Variants in TAFA5 observed in about 807,000 individuals in gnomAD.
TAFA5 encodes the protein chemokine-like protein TAFA-5.
TAFA5 carries 6 observed loss-of-function variants against 15.3 expected under a neutral mutation model. The observed-to-expected ratio is 0.39, with a 90% confidence interval of 0.21 to 0.77. TAFA5 has a LOEUF of 0.77. TAFA5 is among the 30% of genes least tolerant of loss of function. TAFA5 has a pLI of 0.41. For missense variants in TAFA5, 161 were observed against 193.1 expected (o/e 0.83, Z 0.98); for synonymous variants, 103 against 80.7 (o/e 1.28, Z -1.48).
At chr22:48,529,294 T>G (rs1601557588) in intron 1 of TAFA5, among the ~76,000 whole-genome samples, 2 of 38,624 alleles carry the variant, frequency 5.2e-5, no homozygotes, top group Admixed American at 3.0e-4. Context: ...GAGATGGGGG[T>G]GTCCAGGCAG....
chr22:48,673,944 C>T (rs539319149), intron 2 of TAFA5, among the ~76,000 whole-genome samples: 4 of 152,212 alleles, frequency 2.6e-5, no homozygotes, highest in South Asian at 2.1e-4. Context: ...GCTCTGGGGT[C>T]GGGTGTCTAG....
At chr22:48,729,262 A>ATTTTATATTTATTTATAAATATATAATAT (rs1929791738) in intron 3 of TAFA5, among the ~76,000 whole-genome samples, 2 of 137,580 alleles carry the variant, frequency 1.5e-5, no homozygotes, top group Admixed American at 7.7e-5. Flanking sequence ...ATATATAATA[A>ATTTTATATTTATTTATAAATATATAATAT]TTTTATATTT....
chr22:48,742,591 A>G lies in TAFA5; in HGVS notation c.391-7248A>G, dbSNP rs1930211921. ...GGTAGACTGGGCAGCGTGATGGACC[A>G]GGCGACATGGTGGACCGGGCCGCAT... is the stretch of plus-strand genomic sequence containing the variant. On this transcript the variant is annotated intron_variant, in intron 3 of 3. Coordinates refer to ENST00000402357, the MANE Select transcript of TAFA5 (RefSeq NM_001082967.3). The surrounding 1 kb of genome is among the most constrained non-coding windows in gnomAD (Gnocchi z 6.2). Among the ~76,000 whole-genome samples the G allele has an allele frequency of 6.6e-6, 1 of 151,020 alleles. No homozygotes were observed. Among genetic ancestry groups the G allele is most frequent in the South Asian group, 2.1e-4 (1 of 4,776 alleles).
At chr22:48,548,288 C>T (rs1922744485) in intron 1 of TAFA5, among the ~76,000 whole-genome samples, 1 of 152,212 alleles carries the variant, frequency 6.6e-6, no homozygotes, top group African/African-American at 2.4e-5. Context: ...AGCTGCAGTC[C>T]CGAAGCTGCC....
At chr22:48,618,782 G>A (rs570413543) in intron 1 of TAFA5, among the ~76,000 whole-genome samples, 4 of 152,314 alleles carry the variant, frequency 2.6e-5, no homozygotes, top group African/African-American at 9.6e-5. Flanking sequence ...GGATGGCTGT[G>A]CTGGGGGTTG....
chr22:48,559,667 A>C (rs1162294411), intron 1 of TAFA5, among the ~76,000 whole-genome samples: 1 of 151,948 alleles, frequency 6.6e-6, no homozygotes, highest in African/African-American at 2.4e-5. Flanking sequence ...TAGAGGGGAT[A>C]TGGGGTTTGG....
intron 2 of TAFA5, among the ~76,000 whole-genome samples, chr22:48,656,868 C>G (rs1927271533): frequency 6.7e-6 from 1 of 150,036 alleles, no homozygotes; most frequent in Non-Finnish European, 1.5e-5. Context: ...CGGGTTCAAG[C>G]AGTTCTCTTG....
intron 1 of TAFA5, among the ~76,000 whole-genome samples, chr22:48,575,469 C>G (rs1035696964): frequency 1.4e-5 from 2 of 146,326 alleles, no homozygotes; most frequent in African/African-American, 4.9e-5. Flanking sequence ...CGCGCTCCCC[C>G]TCCCGCCGCC....
chr22:48,693,343 C>T, intron 2 of TAFA5: 1 of 1,612,444 alleles, frequency 6.2e-7, no homozygotes, highest in South Asian at 1.1e-5. Flanking sequence ...ACCAGGAAAG[C>T]ACAAACACCC....
intron 3 of TAFA5, among the ~76,000 whole-genome samples, chr22:48,716,038 C>T (rs762690333): frequency 6.6e-5 from 10 of 152,132 alleles, no homozygotes; most frequent in African/African-American, 9.7e-5. Context: ...TCAGGCTTGT[C>T]GAAGATCAGA....
In TAFA5 at chr22:48,750,136, G is replaced by A. The variant is rs145413860; in HGVS notation, c.*289G>A. ...GCGCCCAGCCCCCGCCGACCGTGGC[G>A]TTGGCCCTGCTGTCCTCAGAGGAGG... On this transcript the variant is annotated 3_prime_UTR_variant, in exon 4 of 4. Transcript: ENST00000402357. The A allele has an allele frequency of 0.01, 5,095 of 501,442 alleles. 48 individuals carry two copies. Among genetic ancestry groups the A allele is most frequent in the Non-Finnish European group, 0.014 (3,967 of 278,050 alleles). 31.1% of individuals were successfully genotyped at this position (501,442 alleles called of 1,614,324 possible).
At chr22:48,600,420 GC>G (rs2147164815) in intron 1 of TAFA5, among the ~76,000 whole-genome samples, 1 of 152,294 alleles carries the variant, frequency 6.6e-6, no homozygotes, top group South Asian at 2.1e-4. Flanking sequence ...ACATGAAGGG[GC>G]CCGAGGCAGC....
At chr22:48,612,613 G>T (rs993861022) in intron 1 of TAFA5, among the ~76,000 whole-genome samples, 1 of 151,942 alleles carries the variant, frequency 6.6e-6, no homozygotes, top group South Asian at 2.1e-4. Flanking sequence ...TGTTCCCCAC[G>T]TGTCTCCCGT....
chr22:48,622,930 C>T (rs73429910), intron 1 of TAFA5, among the ~76,000 whole-genome samples: 6,800 of 152,306 alleles, frequency 0.045, 484 homozygotes, highest in African/African-American at 0.15. Flanking sequence ...CACTACTGGG[C>T]GGGCAGGGAC....
chr22:48,674,747 G>A (rs1019202032), intron 2 of TAFA5, among the ~76,000 whole-genome samples: 1 of 152,108 alleles, frequency 6.6e-6, no homozygotes, highest in Non-Finnish European at 1.5e-5. Flanking sequence ...TTGCCCGTTG[G>A]GTCTGCAGTG....
intron 1 of TAFA5, among the ~76,000 whole-genome samples, chr22:48,626,479 A>C (rs907936205): frequency 6.6e-6 from 1 of 152,080 alleles, no homozygotes; most frequent in African/African-American, 2.4e-5. Context: ...CATATTTGCC[A>C]TTTTTTTGGT....
chr22:48,604,271 T>A (rs887837252), intron 1 of TAFA5, among the ~76,000 whole-genome samples: 2 of 152,358 alleles, frequency 1.3e-5, no homozygotes, highest in East Asian at 3.9e-4. Flanking sequence ...AGGATAACAC[T>A]CTGACCCTGT....
At chr22:48,629,766 G>A (rs530680532) in intron 1 of TAFA5, among the ~76,000 whole-genome samples, 1 of 152,312 alleles carries the variant, frequency 6.6e-6, no homozygotes, top group Admixed American at 6.5e-5. Flanking sequence ...GGGATGCTTG[G>A]GACGGTCCCT....
rs575386601 is a variant in TAFA5, at chr22:48,736,606, A to T, written c.391-13233A>T. 1.4e-3 allele frequency among the ~76,000 whole-genome samples: 207 copies of T among 152,348 alleles called. 1 individual carries two copies. The highest frequency in any genetic ancestry group is 4.2e-3 in the African/African-American group (173 of 41,572). On this transcript the variant is annotated intron_variant, in intron 3 of 3. Transcript: ENST00000402357. ...AGCCCAAGTGTCCGTCAGCGGTCCC[A>T]CGGAAAAACAACCTTCATATACAGC... is the stretch of plus-strand genomic sequence containing the variant.
Sources: gnomAD v4.1 joint callset for allele counts (sites outside exome capture counted in the v4.1 genomes callset) on GRCh38, gnomAD v4.1.1 for gene constraint, Gnocchi (gnomAD v3.1) non-coding constraint, MANE v1.5 for transcripts, NCBI Gene and HGNC (gene_info 2026-07-23, HGNC 2026-07-21) for gene names.